EML4: variants seen among roughly 807,000 people sequenced by gnomAD.
EML4 encodes EMAP like 4.
A neutral mutation model predicts 129.0 loss-of-function variants in EML4; 72 were observed. The observed-to-expected ratio is 0.56, with a 90% confidence interval of 0.46 to 0.68. The LOEUF is 0.68. EML4 is among the 30% of genes least tolerant of loss of function. The probability of loss-of-function intolerance (pLI) is 0.00; values close to 1 mark genes in which losing one functional copy is unlikely to be tolerated. For synonymous variants in EML4, 532 were observed against 405.0 expected (o/e 1.31, Z -3.77); for missense variants, 1,363 against 1,190.6 (o/e 1.14, Z -2.13).
At chr2:42,221,333 G>T (rs1411513685) in intron 1 of EML4, among the ~76,000 whole-genome samples, 1 of 151,382 alleles carries the variant, frequency 6.6e-6, no homozygotes, top group Non-Finnish European at 1.5e-5. Flanking sequence ...ATTCTACCCT[G>T]CGCATGTGTA....
chr2:42,191,030 A>G (rs1325269543), intron 1 of EML4, among the ~76,000 whole-genome samples: 1 of 152,166 alleles, frequency 6.6e-6, no homozygotes. Context: ...GGTTATAGTC[A>G]TATCTTACAT....
At chr2:42,241,567 T>C (rs1462079703) in intron 1 of EML4, among the ~76,000 whole-genome samples, 1 of 152,168 alleles carries the variant, frequency 6.6e-6, no homozygotes, top group Non-Finnish European at 1.5e-5. Context: ...TTGTGTTTAC[T>C]CTTATCCTGT....
At position 42,313,207 on chromosome 2, in the gene EML4, C is replaced by T. The variant is rs181413107; in HGVS notation, c.1968-2755C>T. Among the ~76,000 whole-genome samples the T allele has an allele frequency of 6.5e-3, 993 of 152,020 alleles. 6 individuals carry two copies. Among genetic ancestry groups the T allele is most frequent in the Admixed American group, 0.018 (272 of 15,252 alleles). On this transcript the variant is annotated intron_variant, in intron 17 of 22. Coordinates refer to ENST00000318522, the MANE Select transcript of EML4 (RefSeq NM_019063.5). ...TCCTGACCTCGTGATCCGCCTGCCT[C>T]GGCCTCCCAAAGTGCTGGGATTACA...
intron 18 of EML4, 80 bp from the exon 19 acceptor site, chr2:42,317,347 C>T: frequency 1.1e-6 from 1 of 919,156 alleles, no homozygotes; most frequent in Non-Finnish European, 1.7e-6. Context: ...GATTTAACAG[C>T]ATTTGTAAAA....
chr2:42,315,880 C>CAAA, intron 17 of EML4, 82 bp from the exon 18 acceptor site: 1 of 889,666 alleles, frequency 1.1e-6, no homozygotes, highest in Non-Finnish European at 1.7e-6. Flanking sequence ...GACTCCATCT[C>CAAA]AAAAAAAAAA....
At chr2:42,230,501 G>C (rs1674264477) in intron 1 of EML4, among the ~76,000 whole-genome samples, 1 of 152,110 alleles carries the variant, frequency 6.6e-6, no homozygotes, top group African/African-American at 2.4e-5. Flanking sequence ...CCGCCTCCCA[G>C]GTTCAAGTGA....
intron 1 of EML4, among the ~76,000 whole-genome samples, chr2:42,198,215 A>G (rs535214881): frequency 6.6e-6 from 1 of 150,544 alleles, no homozygotes; most frequent in Non-Finnish European, 1.5e-5. Context: ...TTAAAATTGA[A>G]TTTTTTTTTT....
At chr2:42,206,821 T>C (rs113333989) in intron 1 of EML4, among the ~76,000 whole-genome samples, 20 of 152,342 alleles carry the variant, frequency 1.3e-4, no homozygotes, top group African/African-American at 4.3e-4. Context: ...GCTGGTTGGT[T>C]TGAATAACAC....
intron 18 of EML4, 140 bp from the exon 19 acceptor site, chr2:42,317,287 A>C: frequency 1.7e-6 from 1 of 591,388 alleles, no homozygotes; most frequent in Non-Finnish European, 2.9e-6. Context: ...TTTCAAATGT[A>C]CTTAGTGGAT....
In EML4 at chr2:42,317,415, A is replaced by G. The variant is rs755171194; in HGVS notation, c.2057-12A>G. The G allele has an allele frequency of 2.6e-5, 41 of 1,555,204 alleles. 1 individual carries two copies. The South Asian group carries it at 3.9e-4, about 15-fold the overall frequency. ...ATATTTCTCTAGTCAACACTGACCT[A>G]TTTTATTCTAGATGGTACCTTCCTG... On this transcript the variant is annotated splice_polypyrimidine_tract_variant and intron_variant, in intron 18 of 22. Coordinates refer to ENST00000318522, the MANE Select transcript of EML4 (RefSeq NM_019063.5).
intron 1 of EML4, among the ~76,000 whole-genome samples, chr2:42,241,048 C>T (rs551795288): frequency 2.0e-5 from 3 of 151,990 alleles, no homozygotes; most frequent in Admixed American, 6.6e-5. Flanking sequence ...CTCCGAGCCT[C>T]AGCTAATAGA....
intron 1 of EML4, among the ~76,000 whole-genome samples, chr2:42,170,768 C>G (rs528697562): frequency 6.6e-6 from 1 of 152,334 alleles, no homozygotes; most frequent in South Asian, 2.1e-4. Context: ...TATTCAGACG[C>G]CTTTCTTTTA....
intron 2 of EML4, among the ~76,000 whole-genome samples, chr2:42,256,245 T>C (rs1487087415): frequency 6.6e-6 from 1 of 152,206 alleles, no homozygotes; most frequent in Non-Finnish European, 1.5e-5. Context: ...GCAAACCATT[T>C]AGCTAAGAGA....
chr2:42,187,949 T>C (rs1429841790), intron 1 of EML4, among the ~76,000 whole-genome samples: 2 of 152,226 alleles, frequency 1.3e-5, no homozygotes, highest in Admixed American at 6.5e-5. Flanking sequence ...AAGATTCTTA[T>C]TATTTCTTAG....
chr2:42,220,646 C>T (rs913528474), intron 1 of EML4, among the ~76,000 whole-genome samples: 1 of 152,062 alleles, frequency 6.6e-6, no homozygotes, highest in African/African-American at 2.4e-5. Flanking sequence ...AGGAAGAGTG[C>T]ACGTTTCTCA....
At chr2:42,222,782 C>A (rs912929903) in intron 1 of EML4, among the ~76,000 whole-genome samples, 1 of 139,792 alleles carries the variant, frequency 7.2e-6, no homozygotes, top group African/African-American at 2.5e-5. Flanking sequence ...TATAACGGTT[C>A]TTTTGTTTGT....
chr2:42,222,019 C>T (rs1186703840), intron 1 of EML4, among the ~76,000 whole-genome samples: 1 of 152,038 alleles, frequency 6.6e-6, no homozygotes, highest in Non-Finnish European at 1.5e-5. Context: ...AGGTGTGAGC[C>T]TCTGCACCTG....
chr2:42,252,605 G>A (rs755642417), intron 2 of EML4, among the ~76,000 whole-genome samples: 1 of 152,076 alleles, frequency 6.6e-6, no homozygotes, highest in Non-Finnish European at 1.5e-5. Context: ...CCCCTCTTTT[G>A]TTCTACGTGC....
chr2:42,218,862 C>T (rs1360170530), intron 1 of EML4, among the ~76,000 whole-genome samples: 1 of 152,092 alleles, frequency 6.6e-6, no homozygotes, highest in Admixed American at 6.6e-5. Context: ...GGGGGTCTTG[C>T]TGTGTTGTCC....
Sources: allele counts gnomAD v4.1 joint callset (sites outside exome capture counted in the v4.1 genomes callset), GRCh38; gene constraint gnomAD v4.1.1; transcripts MANE v1.5; gene names NCBI Gene and HGNC (gene_info 2026-07-23, HGNC 2026-07-21).